SLC26A4: variants seen among roughly 807,000 people sequenced by gnomAD.
SLC26A4 encodes pendrin.
In SLC26A4, 93 loss-of-function variants were observed where a neutral mutation model predicts 90.4. The observed-to-expected ratio is 1.03, with a 90% CI of 0.87 to 1.22. SLC26A4 has a LOEUF of 1.22. Among genes scored for constraint, SLC26A4 ranks in the 50% most tolerant of loss-of-function variants. SLC26A4 has a pLI of 0.00. For missense variants in SLC26A4, 1,127 were observed against 946.2 expected (o/e 1.19, Z -2.51); for synonymous variants, 393 against 354.6 (o/e 1.11, Z -1.22).
At chr7:107,682,294 G>A (rs1043298986) in intron 6 of SLC26A4, among the ~76,000 whole-genome samples, 10 of 151,582 alleles carry the variant, frequency 6.6e-5, no homozygotes, top group Non-Finnish European at 8.8e-5. Flanking sequence ...AAACCTGCAC[G>A]TTGTGCACAT....
At chr7:107,712,755 T>C (rs1792226365) in intron 20 of SLC26A4, 133 bp downstream of exon 20, 1 of 670,422 alleles carries the variant, frequency 1.5e-6, no homozygotes, top group African/African-American at 1.8e-5. Flanking sequence ...GATGGCTTCA[T>C]AGCAGGGAAA....
In SLC26A4 at chr7:107,674,140, T is replaced by C. The variant is rs889856596; in HGVS notation, c.416-24T>C. 3.7e-6 allele frequency: 6 copies of C among 1,610,584 alleles called. No homozygotes were observed. The Admixed American group carries it at 5.0e-5, about 13-fold the overall frequency. ...ACATTTGTGATTAATAACTGATTAA[T>C]TGTTAGAGACTTTTTTTCCCCAGGA... On this transcript the variant is annotated intron_variant, in intron 4 of 20. Coordinates refer to ENST00000644269, the MANE Select transcript of SLC26A4 (RefSeq NM_000441.2).
intron 6 of SLC26A4, among the ~76,000 whole-genome samples, chr7:107,679,327 A>G (rs1791112118): frequency 2.0e-5 from 3 of 152,202 alleles, no homozygotes; most frequent in Admixed American, 2.0e-4. Flanking sequence ...TAAAATTTAT[A>G]CATTGTATTA....
At chr7:107,672,308 T>A in intron 4 of SLC26A4, 60 bp downstream of exon 4, 1 of 1,013,886 alleles carries the variant, frequency 9.9e-7, no homozygotes, top group South Asian at 1.3e-5. Context: ...TTGGCTATAT[T>A]AAGTGCATTA....
chr7:107,707,955 C>A (rs189688019), intron 18 of SLC26A4, among the ~76,000 whole-genome samples: 55 of 152,126 alleles, frequency 3.6e-4, no homozygotes, highest in Admixed American at 5.9e-4. Flanking sequence ...GAAATAAAAC[C>A]AAAGTGAAAA....
intron 10 of SLC26A4, among the ~76,000 whole-genome samples, chr7:107,690,560 T>C (rs1791539833): frequency 6.6e-6 from 1 of 152,150 alleles, no homozygotes; most frequent in Non-Finnish European, 1.5e-5. Context: ...ATTTGTTACC[T>C]GGGGAGACAG....
At chr7:107,684,238 G>T (rs1250542018) in intron 8 of SLC26A4, among the ~76,000 whole-genome samples, 1 of 152,160 alleles carries the variant, frequency 6.6e-6, no homozygotes, top group Non-Finnish European at 1.5e-5. Context: ...TACAAAGGAG[G>T]CCTAGACGTT....
intron 10 of SLC26A4, chr7:107,693,558 T>C: frequency 1.0e-6 from 1 of 985,488 alleles, no homozygotes; most frequent in South Asian, 4.7e-5. Context: ...TCAGAGCTTC[T>C]AATCTTCATC....
chr7:107,715,918 A>G lies in SLC26A4; in HGVS notation c.*472A>G, dbSNP rs1299369779. ...AATAAAATGATTAATGCATTTATCA[A>G]TAAAAGCCTTTGAAAATACTTTGGA... On this transcript the variant is annotated 3_prime_UTR_variant, in exon 21 of 21. Transcript: ENST00000644269. The G allele has an allele frequency of 1.9e-5, 3 of 156,536 alleles. No individual in the cohort carries two copies. Among genetic ancestry groups the G allele is most frequent in the East Asian group, 1.8e-4 (1 of 5,422 alleles). The allele number at this position is 156,536 out of a possible 1,614,324, so 9.7% of individuals were successfully genotyped here. A position where few individuals can be genotyped will look rare whatever the true frequency, so the allele number is the denominator to read the frequency against.
intron 6 of SLC26A4, among the ~76,000 whole-genome samples, chr7:107,679,770 T>C (rs1055990105): frequency 5.4e-5 from 8 of 148,404 alleles, no homozygotes; most frequent in Middle Eastern, 3.6e-3. Flanking sequence ...TTCAGTGTTT[T>C]TGTAGAGTCT....
chr7:107,695,877 C>A (rs1368651708), intron 12 of SLC26A4, 56 bp from the exon 13 acceptor site: 4 of 897,426 alleles, frequency 4.5e-6, no homozygotes, highest in Non-Finnish European at 7.6e-6. Context: ...GTAGTTATCA[C>A]ATGATGGTAC....
chr7:107,712,688 A>G, intron 20 of SLC26A4, 66 bp downstream of exon 20: 1 of 862,696 alleles, frequency 1.2e-6, no homozygotes, highest in South Asian at 1.3e-5. Context: ...TAATACAAAT[A>G]GTGAATATAT....
At chr7:107,691,886 T>A in intron 10 of SLC26A4, 1 of 1,263,014 alleles carries the variant, frequency 7.9e-7, no homozygotes, top group South Asian at 1.3e-5. Context: ...CAGAGCCAAT[T>A]TCCAAAGCTG....
rs1562828616 is a variant in SLC26A4, at chr7:107,682,132, T to TAAAA, written c.766-1070_766-1069insAAAA. ...AAAAAAAAAAAAAAAAAAAAAAAAT[T>TAAAA]TTTTTTATGTTATCTTAGTTCAAGT... On this transcript the variant is annotated intron_variant, in intron 6 of 20. Coordinates refer to ENST00000644269, the MANE Select transcript of SLC26A4 (RefSeq NM_000441.2). 4.2e-3 allele frequency among the ~76,000 whole-genome samples: 456 copies of TAAAA among 107,308 alleles called. 30 individuals carry two copies. Among genetic ancestry groups the TAAAA allele is most frequent in the African/African-American group, 0.011 (308 of 28,710 alleles). The allele number at this position is 107,308 out of a possible 152,430, so 70.4% of individuals were successfully genotyped here.
At chr7:107,668,702 T>C (rs941628929) in intron 3 of SLC26A4, among the ~76,000 whole-genome samples, 1 of 152,224 alleles carries the variant, frequency 6.6e-6, no homozygotes, top group African/African-American at 2.4e-5. Flanking sequence ...CTTTCTCCTT[T>C]TGACTTTTAT....
At chr7:107,688,420 A>AT (rs577172411) in intron 8 of SLC26A4, among the ~76,000 whole-genome samples, 1 of 152,092 alleles carries the variant, frequency 6.6e-6, no homozygotes, top group Non-Finnish European at 1.5e-5. Flanking sequence ...GTGTAGGTTA[A>AT]TTTTTTTATA....
At chr7:107,680,403 C>A (rs1233143511) in intron 6 of SLC26A4, among the ~76,000 whole-genome samples, 5 of 136,492 alleles carry the variant, frequency 3.7e-5, no homozygotes, top group Non-Finnish European at 6.2e-5. Context: ...ATAATCTTAT[C>A]TTATTATATA....
At chr7:107,663,556 G>A in intron 3 of SLC26A4, 121 bp downstream of exon 3, 1 of 1,081,400 alleles carries the variant, frequency 9.2e-7, no homozygotes, top group Non-Finnish European at 1.4e-6. Flanking sequence ...TTCCTGTAGA[G>A]CCCCTTAGTG....
intron 8 of SLC26A4, 73 bp from the exon 9 acceptor site, chr7:107,688,980 T>C (rs767436884): frequency 1.2e-4 from 183 of 1,481,108 alleles, no homozygotes; most frequent in Admixed American, 1.5e-4. Context: ...TGAGCAGATA[T>C]AGCATTTGAT....
Sources: allele counts gnomAD v4.1 joint callset (sites outside exome capture counted in the v4.1 genomes callset), GRCh38; gene constraint gnomAD v4.1.1; transcripts MANE v1.5; gene names NCBI Gene and HGNC (gene_info 2026-07-23, HGNC 2026-07-21).